Variants in FHIT observed in about 807,000 individuals in gnomAD.
FHIT encodes fragile histidine triad diadenosine triphosphatase, also known as bis(5'-adenosyl)-triphosphatase.
Under a neutral mutation model 17.9 loss-of-function variants are expected in FHIT, and 19 were observed. The observed-to-expected ratio is 1.06, with a 90% confidence interval of 0.74 to 1.56. The LOEUF is 1.56. FHIT is among the 40% of genes most tolerant of loss of function. The pLI is 0.00. For synonymous variants in FHIT, 81 were observed against 69.7 expected (o/e 1.16, Z -0.81); for missense variants, 248 against 189.2 (o/e 1.31, Z -1.82).
intron 5 of FHIT, among the ~76,000 whole-genome samples, chr3:60,481,813 T>A (rs553632497): frequency 7.5e-4 from 114 of 152,218 alleles, no homozygotes; most frequent in African/African-American, 2.7e-3. Context: ...AGGATCAAAT[T>A]CACACATAAC....
At chr3:60,684,417 C>T (rs1355115787) in intron 4 of FHIT, among the ~76,000 whole-genome samples, 2 of 152,054 alleles carry the variant, frequency 1.3e-5, no homozygotes, top group African/African-American at 2.4e-5. Flanking sequence ...GCACACTCAC[C>T]GAAGGCCACA....
chr3:60,711,838 G>C (rs1244894553), intron 4 of FHIT, among the ~76,000 whole-genome samples: 1 of 152,182 alleles, frequency 6.6e-6, no homozygotes, highest in Admixed American at 6.5e-5. Context: ...AACCAAGTTG[G>C]AAAACACTCT....
intron 2 of FHIT, among the ~76,000 whole-genome samples, chr3:61,111,127 T>C (rs1159575265): frequency 6.6e-6 from 1 of 152,204 alleles, no homozygotes; most frequent in African/African-American, 2.4e-5. Flanking sequence ...AAAGGTTTCC[T>C]CATTGGAACT....
rs12715561 is a variant in FHIT at position 60,996,570 on chromosome 3, G to A, written c.-111+45477C>T. Reference sequence around the variant, plus strand: ...TAACAAGCTTTGGTCATGAAAAATCGTAATGTCCATAATACAGTAGATGCA... The same window carrying A: ...TAACAAGCTTTGGTCATGAAAAATCATAATGTCCATAATACAGTAGATGCA... On this transcript the variant is annotated intron_variant, in intron 3 of 9. Coordinates refer to ENST00000492590, the MANE Select transcript of FHIT (RefSeq NM_002012.4). Among the ~76,000 whole-genome samples the A allele has an allele frequency of 5.9e-3, 900 of 152,196 alleles. 6 individuals are homozygous for A. The highest frequency in any genetic ancestry group is 0.024 in the Middle Eastern group (7 of 294).
At chr3:60,706,283 T>C (rs1001537655) in intron 4 of FHIT, among the ~76,000 whole-genome samples, 2 of 151,970 alleles carry the variant, frequency 1.3e-5, no homozygotes, top group Non-Finnish European at 2.9e-5. Context: ...TTAGGACTAA[T>C]GCATGCGGGG....
At chr3:59,975,669 T>C (rs1708378178) in intron 7 of FHIT, among the ~76,000 whole-genome samples, 1 of 151,896 alleles carries the variant, frequency 6.6e-6, no homozygotes, top group African/African-American at 2.4e-5. Flanking sequence ...GTAAGAAGCG[T>C]TACAGGAAGA....
At chr3:60,113,759 T>C (rs1257226280) in intron 5 of FHIT, among the ~76,000 whole-genome samples, 4 of 150,848 alleles carry the variant, frequency 2.7e-5, no homozygotes, top group African/African-American at 9.8e-5. Context: ...CCCAGCACTT[T>C]GGGAGGCCGA....
At chr3:60,031,314 T>C (rs890396778) in intron 5 of FHIT, among the ~76,000 whole-genome samples, 1 of 152,126 alleles carries the variant, frequency 6.6e-6, no homozygotes, top group Non-Finnish European at 1.5e-5. Flanking sequence ...AAGAGATCAG[T>C]ATGGCTGAAG....
chr3:60,720,231 TCC>T (rs2041779080), intron 4 of FHIT, among the ~76,000 whole-genome samples: 1 of 152,120 alleles, frequency 6.6e-6, no homozygotes, highest in Non-Finnish European at 1.5e-5. Context: ...ATCAGTGCCT[TCC>T]CCTCAACTCT....
At chr3:61,106,583 A>G (rs1424566647) in intron 2 of FHIT, among the ~76,000 whole-genome samples, 1 of 152,196 alleles carries the variant, frequency 6.6e-6, no homozygotes, top group Non-Finnish European at 1.5e-5. Context: ...CAGGTACAAC[A>G]TATTTTAAAA....
chr3:61,213,281 C>T (rs2039550792), intron 1 of FHIT, among the ~76,000 whole-genome samples: 1 of 152,130 alleles, frequency 6.6e-6, no homozygotes, highest in Non-Finnish European at 1.5e-5. Flanking sequence ...CAGAGACAAA[C>T]ATAGGCTCAA....
intron 7 of FHIT, among the ~76,000 whole-genome samples, chr3:59,969,134 C>T (rs549156878): frequency 1.6e-4 from 24 of 152,238 alleles, no homozygotes; most frequent in East Asian, 1.5e-3. Flanking sequence ...ATCCTTCACT[C>T]GTAGGGAAAA....
At chr3:60,032,911 A>G (rs1701061310) in intron 5 of FHIT, among the ~76,000 whole-genome samples, 1 of 152,174 alleles carries the variant, frequency 6.6e-6, no homozygotes, top group Non-Finnish European at 1.5e-5. Flanking sequence ...CCCACCTTAG[A>G]GCTAACTTAC....
At chr3:61,208,023 C>T (rs1483693059) in intron 1 of FHIT, among the ~76,000 whole-genome samples, 3 of 152,016 alleles carry the variant, frequency 2.0e-5, no homozygotes, top group Admixed American at 1.3e-4. Flanking sequence ...TGTCTTTGTT[C>T]TCGTTGGTTT....
chr3:60,537,508 A>T, intron 4 of FHIT: 1 of 961,862 alleles, frequency 1.0e-6, no homozygotes, highest in South Asian at 4.8e-5. Context: ...CTATTCTAGT[A>T]AAATCTCCAA....
intron 4 of FHIT, among the ~76,000 whole-genome samples, chr3:60,554,768 T>A: frequency 6.6e-6 from 1 of 152,362 alleles, no homozygotes; most frequent in East Asian, 1.9e-4. Flanking sequence ...GTTCCCAACA[T>A]AAGTGAATAC....
intron 5 of FHIT, among the ~76,000 whole-genome samples, chr3:60,409,947 C>G (rs1372117356): frequency 6.6e-6 from 1 of 152,102 alleles, no homozygotes; most frequent in Non-Finnish European, 1.5e-5. Flanking sequence ...ATAGATGAAG[C>G]AAGCTTCTAA....
chr3:60,860,231 T>G (rs1218987779), intron 3 of FHIT, among the ~76,000 whole-genome samples: 2 of 121,886 alleles, frequency 1.6e-5, no homozygotes, highest in Non-Finnish European at 3.5e-5. Flanking sequence ...ATACATCATA[T>G]GTATATATGG....
At chr3:60,716,947 A>T (rs1402657358) in intron 4 of FHIT, among the ~76,000 whole-genome samples, 1 of 152,228 alleles carries the variant, frequency 6.6e-6, no homozygotes, top group East Asian at 1.9e-4. Flanking sequence ...TGTATATACA[A>T]TGGAATACTA....
Sources: allele counts gnomAD v4.1 joint callset (sites outside exome capture counted in the v4.1 genomes callset), GRCh38; gene constraint gnomAD v4.1.1; transcripts MANE v1.5; gene names NCBI Gene and HGNC (gene_info 2026-07-23, HGNC 2026-07-21).